EXOC6B: variants seen among roughly 807,000 people sequenced by gnomAD.
The protein encoded by EXOC6B is exocyst complex component 6B.
A neutral mutation model predicts 113.5 loss-of-function variants in EXOC6B; 54 were observed. That is an observed-to-expected ratio of 0.48 (90% CI 0.38 to 0.60). EXOC6B has a LOEUF of 0.60. Ranked by LOEUF, EXOC6B falls within the 20% of genes least tolerant of loss-of-function variation. The pLI, the probability that EXOC6B is intolerant of heterozygous loss-of-function variation, is 0.00. For missense variants in EXOC6B, 797 were observed against 977.5 expected (o/e 0.82, Z 2.46); for synonymous variants, 357 against 339.0 (o/e 1.05, Z -0.58).
intron 6 of EXOC6B, among the ~76,000 whole-genome samples, chr2:72,576,063 A>G (rs1704834538): frequency 6.6e-6 from 1 of 152,146 alleles, no homozygotes; most frequent in Non-Finnish European, 1.5e-5. Flanking sequence ...TTTATCTCTT[A>G]CAAGAAAATA....
chr2:72,383,034 A>G (rs1053523545), intron 18 of EXOC6B, among the ~76,000 whole-genome samples: 1 of 152,218 alleles, frequency 6.6e-6, no homozygotes, highest in Non-Finnish European at 1.5e-5. Flanking sequence ...TAAATCTATA[A>G]AAACTTTGGA....
chr2:72,641,752 T>G (rs2104346240), intron 6 of EXOC6B, among the ~76,000 whole-genome samples: 1 of 152,344 alleles, frequency 6.6e-6, no homozygotes, highest in Admixed American at 6.5e-5. Flanking sequence ...ACAGACAGAC[T>G]GCCTCCTCAA....
intron 20 of EXOC6B, among the ~76,000 whole-genome samples, chr2:72,305,520 A>G (rs143351150): frequency 5.3e-5 from 8 of 152,278 alleles, no homozygotes; most frequent in African/African-American, 1.9e-4. Flanking sequence ...TAATCAAATT[A>G]TTCAGCTCAG....
At chr2:72,619,866 G>A (rs958765149) in intron 6 of EXOC6B, among the ~76,000 whole-genome samples, 4 of 152,236 alleles carry the variant, frequency 2.6e-5, no homozygotes, top group Non-Finnish European at 5.9e-5. Flanking sequence ...CAGGCTTTCA[G>A]ATGACACAGA....
intron 20 of EXOC6B, among the ~76,000 whole-genome samples, chr2:72,299,684 T>C (rs1248689069): frequency 6.6e-6 from 1 of 152,160 alleles, no homozygotes; most frequent in East Asian, 1.9e-4. Context: ...TTATCTGAGT[T>C]TGGTCTTTGA....
chr2:72,809,607 G>C (rs1398210861), intron 1 of EXOC6B, among the ~76,000 whole-genome samples: 3 of 150,980 alleles, frequency 2.0e-5, no homozygotes, highest in African/African-American at 7.3e-5. Flanking sequence ...AAACAACAGA[G>C]AAAATCAAAT....
chr2:72,200,285 C>T (rs543535589), intron 20 of EXOC6B, among the ~76,000 whole-genome samples: 158 of 152,278 alleles, frequency 1.0e-3, no homozygotes, highest in African/African-American at 3.6e-3. Flanking sequence ...ACTCAGGATT[C>T]CTTCTAAAAC....
rs530450030 is a variant in EXOC6B, at chr2:72,620,939, A to G, written c.670-45271T>C. 1.6e-4 allele frequency among the ~76,000 whole-genome samples: 25 copies of G among 152,350 alleles called. No individual in the cohort carries two copies. In the East Asian group the frequency reaches 4.2e-3, roughly 26 times the overall value. ...ACTGATCATCCGAGAAACGCAAATCAAAACCACAATGAGATACCATCTTAT... is the reference window on the plus strand; with the variant it reads ...ACTGATCATCCGAGAAACGCAAATCGAAACCACAATGAGATACCATCTTAT... On this transcript the variant is annotated intron_variant, in intron 6 of 21. Coordinates refer to ENST00000272427, the MANE Select transcript of EXOC6B (RefSeq NM_015189.3).
chr2:72,392,428 T>C (rs1253159880), intron 18 of EXOC6B, among the ~76,000 whole-genome samples: 1 of 152,228 alleles, frequency 6.6e-6, no homozygotes, highest in East Asian at 1.9e-4. Flanking sequence ...CTGGCCATAC[T>C]CCACATCTGA....
chr2:72,759,137 G>A (rs1369190003), intron 1 of EXOC6B, among the ~76,000 whole-genome samples: 1 of 152,170 alleles, frequency 6.6e-6, no homozygotes. Flanking sequence ...TTAAACCTCT[G>A]TATACTTCAG....
intron 6 of EXOC6B, among the ~76,000 whole-genome samples, chr2:72,684,889 G>C (rs984316503): frequency 6.6e-5 from 10 of 152,042 alleles, no homozygotes; most frequent in Non-Finnish European, 1.2e-4. Flanking sequence ...TTAAGATAGG[G>C]GTTTAGGTTA....
chr2:72,595,063 A>G (rs1398209634), intron 6 of EXOC6B, among the ~76,000 whole-genome samples: 1 of 152,050 alleles, frequency 6.6e-6, no homozygotes, highest in Non-Finnish European at 1.5e-5. Context: ...GTTCAAGACC[A>G]ACCTGACCAA....
rs141556284 is a variant in EXOC6B at position 72,315,339 on chromosome 2, A to ATGTGTGTGTGTG, written c.2196+19596_2196+19607dup. ...AAGTAGTCACAGAGTTAAAGGGTGT[A>ATGTGTGTGTGTG]TGTGTGTGTGTGTGTGTGTGTGAAG... On this transcript the variant is annotated intron_variant, in intron 20 of 21. Coordinates refer to ENST00000272427, the MANE Select transcript of EXOC6B (RefSeq NM_015189.3). Among the ~76,000 whole-genome samples the ATGTGTGTGTGTG allele has an allele frequency of 3.9e-3, 574 of 148,666 alleles. 5 individuals are homozygous for ATGTGTGTGTGTG. The highest frequency in any genetic ancestry group is 0.013 in the African/African-American group (523 of 40,766).
At chr2:72,628,805 T>C (rs183420462) in intron 6 of EXOC6B, among the ~76,000 whole-genome samples, 56 of 152,144 alleles carry the variant, frequency 3.7e-4, no homozygotes, top group African/African-American at 1.3e-3. Flanking sequence ...TTATAAGCCA[T>C]TGAGACTACA....
intron 18 of EXOC6B, among the ~76,000 whole-genome samples, chr2:72,449,214 G>A (rs60563535): frequency 0.22 from 33,256 of 151,444 alleles, 5,884 homozygotes; most frequent in African/African-American, 0.49. Flanking sequence ...ACGGAGTCTC[G>A]CTCTGTCGCC....
chr2:72,206,709 C>A (rs1339568652), intron 20 of EXOC6B, among the ~76,000 whole-genome samples: 3 of 152,044 alleles, frequency 2.0e-5, no homozygotes, highest in Non-Finnish European at 4.4e-5. Flanking sequence ...TAACAAAAAG[C>A]TCTTGATGTA....
intron 6 of EXOC6B, among the ~76,000 whole-genome samples, chr2:72,600,489 T>C (rs1191203295): frequency 6.9e-6 from 1 of 143,926 alleles, no homozygotes; most frequent in South Asian, 2.2e-4. Flanking sequence ...GATTGTGTGA[T>C]ATTGGCAAAA....
At chr2:72,718,644 G>A (rs1234696416) in intron 5 of EXOC6B, among the ~76,000 whole-genome samples, 2 of 152,272 alleles carry the variant, frequency 1.3e-5, no homozygotes, top group East Asian at 3.9e-4. Flanking sequence ...GATCACTTGA[G>A]GCCAGGAATT....
chr2:72,433,794 A>G (rs1695689496), intron 18 of EXOC6B, among the ~76,000 whole-genome samples: 1 of 152,198 alleles, frequency 6.6e-6, no homozygotes, highest in African/African-American at 2.4e-5. Flanking sequence ...TAACAGCTTG[A>G]GTTTTTGGGC....
Sources: allele counts gnomAD v4.1 joint callset (sites outside exome capture counted in the v4.1 genomes callset), GRCh38; gene constraint gnomAD v4.1.1; transcripts MANE v1.5; gene names NCBI Gene and HGNC (gene_info 2026-07-23, HGNC 2026-07-21).